NCS1: variants seen among roughly 807,000 people sequenced by gnomAD.
The protein encoded by NCS1 is frequenin homolog.
A neutral mutation model predicts 28.4 loss-of-function variants in NCS1; 6 were observed. The observed-to-expected ratio is 0.21, with a 90% CI of 0.12 to 0.42. NCS1 has a LOEUF of 0.42. Ranked by LOEUF, NCS1 falls within the 10% of genes least tolerant of loss-of-function variation. NCS1 has a pLI of 1.00. For synonymous variants in NCS1, 86 were observed against 99.3 expected (o/e 0.87, Z 0.79); for missense variants, 131 against 241.4 (o/e 0.54, Z 3.03).
In NCS1 at chr9:130,175,468, A is replaced by C. The variant is rs1439363063; in HGVS notation, c.64+2741A>C. Reference sequence around the variant, plus strand: ...CTTTAGGTCTGGCTGGGGCCCAGGAATTTGCATCCTTGACACGTGTTTGTG... The same window carrying C: ...CTTTAGGTCTGGCTGGGGCCCAGGACTTTGCATCCTTGACACGTGTTTGTG... On this transcript the variant is annotated intron_variant, in intron 1 of 7. Transcript: ENST00000372398. The surrounding 1 kb of genome is among the most constrained non-coding windows in gnomAD (Gnocchi z 4.9). Among the ~76,000 whole-genome samples the C allele has an allele frequency of 1.3e-5, 2 of 152,126 alleles. No individual in the cohort carries two copies. Among genetic ancestry groups the C allele is most frequent in the African/African-American group, 4.8e-5 (2 of 41,432 alleles).
chr9:130,186,047 G>A lies in NCS1; in HGVS notation c.64+13320G>A, dbSNP rs1226565962. On this transcript the variant is annotated intron_variant, in intron 1 of 7. Transcript: ENST00000372398. The surrounding 1 kb of genome is among the most constrained non-coding windows in gnomAD (Gnocchi z 4.1). Reference sequence around the variant, plus strand: ...GGTGCATCTCAAGGAAGGAGGCATGGCCAGCAGGGAGCAGAGGGGAGGCCC... The same window carrying A: ...GGTGCATCTCAAGGAAGGAGGCATGACCAGCAGGGAGCAGAGGGGAGGCCC... 6.6e-6 allele frequency among the ~76,000 whole-genome samples: 1 copy of A among 152,242 alleles called. No homozygotes were observed. Among genetic ancestry groups the A allele is most frequent in the East Asian group, 1.9e-4 (1 of 5,188 alleles).
chr9:130,200,738 G>A lies in NCS1; in HGVS notation c.65-220G>A, dbSNP rs1245888876. Reference sequence around the variant, plus strand: ...GTGGCAGGTAGCACTTGGGCACCGGGAAGGGGTGGGGCCAGTGTCCCCTGC... The same window carrying A: ...GTGGCAGGTAGCACTTGGGCACCGGAAAGGGGTGGGGCCAGTGTCCCCTGC... On this transcript the variant is annotated intron_variant, in intron 1 of 7. Transcript: ENST00000372398. 10 of 1,448,382 alleles carry A rather than the reference G, an allele frequency of 6.9e-6. No individual in the cohort carries two copies. The East Asian group carries it at 2.2e-4, about 32-fold the overall frequency. The allele number at this position is 1,448,382 out of a possible 1,614,324, so 89.7% of individuals were successfully genotyped here.
intron 1 of NCS1, among the ~76,000 whole-genome samples, chr9:130,195,789 C>T (rs2131130925): frequency 6.6e-6 from 1 of 152,328 alleles, no homozygotes; most frequent in Middle Eastern, 3.4e-3. Flanking sequence ...GGAAGTGTTC[C>T]TGGCAGAGCA....
chr9:130,223,904 G>A (rs951275007), intron 6 of NCS1, among the ~76,000 whole-genome samples: 4 of 151,834 alleles, frequency 2.6e-5, no homozygotes, highest in African/African-American at 9.7e-5. Context: ...GTGCAGTGGC[G>A]GGCGCGATCT....
At chr9:130,173,387 C>T (rs1832518918) in intron 1 of NCS1, among the ~76,000 whole-genome samples, 1 of 152,198 alleles carries the variant, frequency 6.6e-6, no homozygotes. Flanking sequence ...TTAGCTGTCG[C>T]GGGCTGCCCG....
At chr9:130,214,396 GGA>G (rs1332446666) in intron 2 of NCS1, among the ~76,000 whole-genome samples, 1 of 152,198 alleles carries the variant, frequency 6.6e-6, no homozygotes, top group Non-Finnish European at 1.5e-5. Flanking sequence ...TCACAACCTG[GGA>G]GAGAGAGGGG....
rs782416787 is a variant in NCS1, at chr9:130,223,169, G to C, written c.474+10G>C. ...TGCCATGATGGATAAGGTGAGGTGG[G>C]GGGGCGGGGCTGGTCCTGGACCAGG... On this transcript the variant is annotated intron_variant, in intron 6 of 7. Coordinates refer to ENST00000372398, the MANE Select transcript of NCS1 (RefSeq NM_014286.4). The C allele has an allele frequency of 2.6e-5, 42 of 1,596,738 alleles. No individual in the cohort carries two copies. The Admixed American group carries it at 6.2e-4, about 23-fold the overall frequency.
At chr9:130,213,490 A>C (rs1283671418) in intron 2 of NCS1, among the ~76,000 whole-genome samples, 7 of 152,050 alleles carry the variant, frequency 4.6e-5, no homozygotes, top group African/African-American at 1.2e-4. Flanking sequence ...CGTGTCAGCC[A>C]GGATGGTCTC....
Position 130,181,819 on chromosome 9 carries a change from G to A in NCS1, c.64+9092G>A, listed in dbSNP as rs893885941. On this transcript the variant is annotated intron_variant, in intron 1 of 7. Coordinates refer to ENST00000372398, the MANE Select transcript of NCS1 (RefSeq NM_014286.4). The surrounding 1 kb of genome is among the most constrained non-coding windows in gnomAD (Gnocchi z 5.0). ...TGGGCACGCTCCGAGCGTGAGTGACGGGGTCATGGCGTGTGTCAGGAGTGG... is the reference window on the plus strand; with the variant it reads ...TGGGCACGCTCCGAGCGTGAGTGACAGGGTCATGGCGTGTGTCAGGAGTGG... Among the ~76,000 whole-genome samples, 2 of 152,166 alleles carry A rather than the reference G, an allele frequency of 1.3e-5. No homozygotes were observed. The highest frequency in any genetic ancestry group is 6.5e-5 in the Admixed American group (1 of 15,288).
chr9:130,212,700 C>T (rs1833128944), intron 2 of NCS1, among the ~76,000 whole-genome samples: 1 of 151,440 alleles, frequency 6.6e-6, no homozygotes, highest in Admixed American at 6.6e-5. Flanking sequence ...AGGTCCGGGC[C>T]TGTGGGAACC....
intron 2 of NCS1, among the ~76,000 whole-genome samples, chr9:130,205,174 G>A (rs912195744): frequency 6.6e-6 from 1 of 152,050 alleles, no homozygotes; most frequent in Non-Finnish European, 1.5e-5. Flanking sequence ...ATAAGGACTC[G>A]GTGGTGGAAC....
chr9:130,210,995 T>C (rs2096149), intron 2 of NCS1, among the ~76,000 whole-genome samples: 133,903 of 144,268 alleles, frequency 0.93, 62,221 homozygotes, highest in East Asian at 1. Context: ...CAAGCCACTG[T>C]GCCCGGCTCC....
At chr9:130,198,672 C>T (rs1832905115) in intron 1 of NCS1, among the ~76,000 whole-genome samples, 1 of 152,208 alleles carries the variant, frequency 6.6e-6, no homozygotes, top group Non-Finnish European at 1.5e-5. Flanking sequence ...GCGGCAAGCA[C>T]TTCAGTTTTC....
intron 1 of NCS1, among the ~76,000 whole-genome samples, chr9:130,199,349 T>TC (rs1554907188): frequency 6.6e-6 from 1 of 152,204 alleles, no homozygotes; most frequent in Non-Finnish European, 1.5e-5. Flanking sequence ...TGCCTCGGCC[T>TC]CCCAAAGTGC....
rs782020984 is a variant in NCS1, at chr9:130,172,742, C to T, written c.64+15C>T. ...GAAGACCTACTGTGAGTGCTCCCAG[C>T]CCCCAGCCCGCGCCCCGCGGTCACC... On this transcript the variant is annotated intron_variant, in intron 1 of 7. Transcript: ENST00000372398. 1.0e-5 allele frequency: 15 copies of T among 1,456,400 alleles called. No individual in the cohort carries two copies. In the South Asian group the frequency reaches 1.4e-4, roughly 14 times the overall value. 90.2% of individuals were successfully genotyped at this position (1,456,400 alleles called of 1,614,324 possible). A position where few individuals can be genotyped will look rare whatever the true frequency, so the allele number is the denominator to read the frequency against.
At chr9:130,218,183 ATGCACATGTG>A (rs2060519955) in intron 3 of NCS1, among the ~76,000 whole-genome samples, 1 of 152,262 alleles carries the variant, frequency 6.6e-6, no homozygotes, top group Non-Finnish European at 1.5e-5. Context: ...ATCCAAATGC[ATGCACATGTG>A]TGCACACATA....
intron 1 of NCS1, among the ~76,000 whole-genome samples, chr9:130,193,023 G>A (rs1554906415): frequency 6.6e-6 from 1 of 152,218 alleles, no homozygotes; most frequent in Admixed American, 6.5e-5. Flanking sequence ...GGTCCCACAA[G>A]AGACCACCAC....
At chr9:130,212,679 G>A (rs1833128635) in intron 2 of NCS1, among the ~76,000 whole-genome samples, 1 of 151,732 alleles carries the variant, frequency 6.6e-6, no homozygotes. Context: ...ACTGGCAGGA[G>A]GGGAGGGAGG....
rs1174553322 is a variant in NCS1, at chr9:130,232,770, A to G, written c.*18-220A>G. On this transcript the variant is annotated intron_variant, in intron 7 of 7. Transcript: ENST00000372398. This position sits in a 1 kb window ranked among gnomAD's most constrained non-coding sequence, Gnocchi z 4.4. ...CACTGCACTGCAGCCCAGGTGACAG[A>G]GCAAGACTCCAACTCAAAAAAAAGC... 1.3e-5 allele frequency among the ~76,000 whole-genome samples: 2 copies of G among 152,040 alleles called. No homozygotes were observed. Among genetic ancestry groups the G allele is most frequent in the Admixed American group, 6.6e-5 (1 of 15,258 alleles).
Sources: allele counts gnomAD v4.1 joint callset (sites outside exome capture counted in the v4.1 genomes callset), GRCh38; gene constraint gnomAD v4.1.1; non-coding constraint Gnocchi (gnomAD v3.1); transcripts MANE v1.5; gene names NCBI Gene and HGNC (gene_info 2026-07-23, HGNC 2026-07-21).